The following PAX5 variants were observed in gnomAD, a reference collection of about 807,000 sequenced individuals.
The protein encoded by PAX5 is paired box 5.
A neutral mutation model predicts 43.7 loss-of-function variants in PAX5; 9 were observed. That is an observed-to-expected ratio of 0.21 (90% CI 0.12 to 0.36). PAX5 has a LOEUF of 0.36. PAX5 is among the 10% of genes least tolerant of loss of function. The pLI, the probability that PAX5 is intolerant of heterozygous loss-of-function variation, is 1.00. For synonymous variants in PAX5, 228 were observed against 214.3 expected (o/e 1.06, Z -0.56); for missense variants, 383 against 532.7 (o/e 0.72, Z 2.77).
At chr9:37,012,669 A>G (rs1470965605) in intron 3 of PAX5, among the ~76,000 whole-genome samples, 1 of 152,084 alleles carries the variant, frequency 6.6e-6, no homozygotes, top group Non-Finnish European at 1.5e-5. Context: ...TGCCTCATAC[A>G]TTTCTTTCAC....
At chr9:36,928,330 C>T (rs938455545) in intron 6 of PAX5, among the ~76,000 whole-genome samples, 1 of 152,212 alleles carries the variant, frequency 6.6e-6, no homozygotes, top group African/African-American at 2.4e-5. Flanking sequence ...AGAACTCTTA[C>T]ATTATCCACA....
chr9:36,908,688 C>T (rs1421915117), intron 7 of PAX5, among the ~76,000 whole-genome samples: 1 of 152,170 alleles, frequency 6.6e-6, no homozygotes, highest in Non-Finnish European at 1.5e-5. Flanking sequence ...CTAATGAAAT[C>T]GCTATTTTAG....
chr9:37,001,648 G>A (rs987013678), intron 5 of PAX5, among the ~76,000 whole-genome samples: 3 of 152,148 alleles, frequency 2.0e-5, no homozygotes, highest in African/African-American at 7.2e-5. Context: ...CCACGGCTGG[G>A]CCGACTCAAT....
intron 8 of PAX5, among the ~76,000 whole-genome samples, chr9:36,872,468 C>T (rs1435721277): frequency 1.3e-5 from 2 of 152,146 alleles, no homozygotes; most frequent in Admixed American, 1.3e-4. Flanking sequence ...CAGGCCCTGC[C>T]TCCTGCTTTA....
chr9:37,004,927 G>A (rs558160634), intron 4 of PAX5, among the ~76,000 whole-genome samples: 10 of 152,226 alleles, frequency 6.6e-5, no homozygotes, highest in Admixed American at 5.9e-4. Context: ...CTCACTCCTC[G>A]GTAAGTTTGT....
At chr9:36,955,145 T>G (rs1191487561) in intron 6 of PAX5, among the ~76,000 whole-genome samples, 1 of 152,164 alleles carries the variant, frequency 6.6e-6, no homozygotes, top group Non-Finnish European at 1.5e-5. Flanking sequence ...TTTCATCTCT[T>G]TAATCATTTT....
chr9:36,999,313 T>C (rs1331412765), intron 5 of PAX5, among the ~76,000 whole-genome samples: 1 of 152,196 alleles, frequency 6.6e-6, no homozygotes, highest in Non-Finnish European at 1.5e-5. Context: ...TGCCACCTCC[T>C]ATGAGGAGCC....
At chr9:37,023,149 G>A (rs1279433419) in intron 1 of PAX5, among the ~76,000 whole-genome samples, 1 of 152,144 alleles carries the variant, frequency 6.6e-6, no homozygotes, top group African/African-American at 2.4e-5. Flanking sequence ...GAGAGAGCCT[G>A]GAAAGGAAGC....
At chr9:36,957,913 T>C (rs1263463115) in intron 6 of PAX5, among the ~76,000 whole-genome samples, 3 of 152,136 alleles carry the variant, frequency 2.0e-5, no homozygotes, top group African/African-American at 7.2e-5. Flanking sequence ...TGGAGGCACC[T>C]TCCAATAGAC....
chr9:36,993,701 T>C (rs893333421), intron 5 of PAX5, among the ~76,000 whole-genome samples: 1 of 152,182 alleles, frequency 6.6e-6, no homozygotes, highest in African/African-American at 2.4e-5. Context: ...CAGCAGGGCA[T>C]GCAGGGTGGA....
At chr9:36,982,400 T>C (rs1213081176) in intron 5 of PAX5, among the ~76,000 whole-genome samples, 5 of 152,236 alleles carry the variant, frequency 3.3e-5, no homozygotes, top group African/African-American at 1.2e-4. Context: ...GTCCCAAGCA[T>C]AGCCCTGCCA....
At chr9:36,865,871 C>T (rs76116734) in intron 8 of PAX5, among the ~76,000 whole-genome samples, 1,601 of 152,326 alleles carry the variant, frequency 0.011, 34 homozygotes, top group African/African-American at 0.037. Context: ...AGCAGTGAAG[C>T]GTGGGTCGCT....
intron 5 of PAX5, among the ~76,000 whole-genome samples, chr9:36,982,261 C>G (rs1836001668): frequency 6.6e-6 from 1 of 151,308 alleles, no homozygotes; most frequent in African/African-American, 2.4e-5. Context: ...AAGATTTCAT[C>G]TCAAAAAAAA....
At chr9:36,986,495 G>A (rs1836430423) in intron 5 of PAX5, among the ~76,000 whole-genome samples, 1 of 152,104 alleles carries the variant, frequency 6.6e-6, no homozygotes, top group Non-Finnish European at 1.5e-5. Flanking sequence ...CGAGCGGGCG[G>A]CCTCCTTCCC....
intron 3 of PAX5, among the ~76,000 whole-genome samples, chr9:37,010,227 G>T (rs753152895): frequency 6.6e-6 from 1 of 152,168 alleles, no homozygotes; most frequent in East Asian, 1.9e-4. Context: ...CAAATTGCCC[G>T]TCCCTTACCT....
At chr9:37,031,440 GC>G (rs1287206826) in intron 1 of PAX5, among the ~76,000 whole-genome samples, 1 of 152,144 alleles carries the variant, frequency 6.6e-6, no homozygotes, top group Non-Finnish European at 1.5e-5. Flanking sequence ...GGATGTCAAT[GC>G]CCAGTGGGAA....
chr9:36,977,996 G>A (rs1338348629), intron 5 of PAX5, among the ~76,000 whole-genome samples: 1 of 152,242 alleles, frequency 6.6e-6, no homozygotes, highest in Non-Finnish European at 1.5e-5. Context: ...TTCCCTCTCT[G>A]TCGAGCTGTT....
rs1403422648 is a variant in PAX5, at chr9:36,837,430, T to C, written c.*3130A>G. 1 of 233,144 alleles carries C rather than the reference T, an allele frequency of 4.3e-6. No homozygotes were observed. Among genetic ancestry groups the C allele is most frequent in the Non-Finnish European group, 8.5e-6 (1 of 118,046 alleles). 14.4% of individuals were successfully genotyped at this position (233,144 alleles called of 1,614,324 possible). A position where few individuals can be genotyped will look rare whatever the true frequency, so the allele number is the denominator to read the frequency against. Reference sequence around the variant, plus strand: ...AATTTTCATAAAATCCACAATGTCCTTTTCCAAAAGTCAGAGCTCGAACAC... The same window carrying C: ...AATTTTCATAAAATCCACAATGTCCCTTTCCAAAAGTCAGAGCTCGAACAC... On this transcript the variant is annotated 3_prime_UTR_variant, in exon 10 of 10. Transcript: ENST00000358127.
rs961329565 is a variant in PAX5 at position 36,839,410 on chromosome 9, G to A, written c.*1150C>T. ...CCCAGCTGCCTGCTAAGCTCCACGA[G>A]GACGGGGAGGGTCTGCCCCGAGAGG... On this transcript the variant is annotated 3_prime_UTR_variant, in exon 10 of 10. Transcript: ENST00000358127. 2.1e-5 allele frequency: 5 copies of A among 233,666 alleles called. No individual in the cohort carries two copies. Among genetic ancestry groups the A allele is most frequent in the Non-Finnish European group, 4.2e-5 (5 of 118,426 alleles). The allele number at this position is 233,666 out of a possible 1,614,324, so 14.5% of individuals were successfully genotyped here. A position where few individuals can be genotyped will look rare whatever the true frequency, so the allele number is the denominator to read the frequency against.
Sources: gnomAD v4.1 joint callset for allele counts (sites outside exome capture counted in the v4.1 genomes callset) on GRCh38, gnomAD v4.1.1 for gene constraint, MANE v1.5 for transcripts, NCBI Gene and HGNC (gene_info 2026-07-23, HGNC 2026-07-21) for gene names.